The following NBEAL1 variants were observed in gnomAD, a reference collection of about 807,000 sequenced individuals.
The protein encoded by NBEAL1 is neurobeachin like 1.
NBEAL1 carries 273 observed loss-of-function variants against 351.3 expected under a neutral mutation model. The ratio of observed to expected loss-of-function variants is 0.78; its 90% CI spans 0.70 to 0.86. The LOEUF (loss-of-function observed/expected upper bound fraction) is 0.86. NBEAL1 is among the 40% of genes least tolerant of loss of function. The probability of loss-of-function intolerance (pLI) is 0.00; values close to 1 mark genes in which losing one functional copy is unlikely to be tolerated. For synonymous variants in NBEAL1, 1,050 were observed against 1,086.4 expected (o/e 0.97, Z 0.66); for missense variants, 2,961 against 3,201.3 (o/e 0.92, Z 1.81).
intron 26 of NBEAL1, 75 bp downstream of exon 26, chr2:203,132,207 G>T: frequency 2.2e-6 from 2 of 929,750 alleles, no homozygotes; most frequent in South Asian, 2.0e-5. Flanking sequence ...ACCTTTCTCA[G>T]GCTGCTTTTA....
intron 35 of NBEAL1, among the ~76,000 whole-genome samples, chr2:203,155,291 A>G (rs1226539703): frequency 2.7e-5 from 4 of 149,786 alleles, no homozygotes; most frequent in African/African-American, 9.8e-5. Context: ...TTTTGTCTGT[A>G]CTTCTCTATT....
chr2:203,207,227 C>A (rs1396798927), intron 51 of NBEAL1, among the ~76,000 whole-genome samples: 3 of 151,858 alleles, frequency 2.0e-5, no homozygotes, highest in Admixed American at 6.5e-5. Context: ...GCCTGGCAGC[C>A]ACCCCATCTG....
chr2:203,206,768 A>G (rs1156980030), intron 51 of NBEAL1, among the ~76,000 whole-genome samples: 3 of 151,738 alleles, frequency 2.0e-5, no homozygotes, highest in Non-Finnish European at 2.9e-5. Context: ...TCGGCTCGGT[A>G]CAACATCCAC....
chr2:203,025,983 G>A (rs142535563), intron 2 of NBEAL1, among the ~76,000 whole-genome samples: 2,527 of 152,124 alleles, frequency 0.017, 32 homozygotes, highest in Middle Eastern at 0.037. Context: ...CTTGCCTTCT[G>A]TGTTAGGAAG....
chr2:203,024,532 A>G (rs1383600513), intron 2 of NBEAL1, among the ~76,000 whole-genome samples: 1 of 150,714 alleles, frequency 6.6e-6, no homozygotes, highest in East Asian at 1.9e-4. Context: ...AGCCTGGGCA[A>G]TAGAGTGAGA....
Position 203,133,088 on chromosome 2 carries a change from C to A in NBEAL1, c.3755C>A (p.Ser1252Tyr). The change falls in exon 27 of 56, where the codon TCT (serine) becomes TAT (tyrosine). Residue 1252 changes from serine to tyrosine, a missense_variant. By Grantham distance (144) the Ser-to-Tyr change is moderately radical. Transcript: ENST00000683969. ...DPVINFKDLL[S>Y]VVYISHRAHI... ...GTTATTAATTTCAAAGATCTACTAT[C>A]TGTGGTATATATATCTCACAGAGCA... The A allele has an allele frequency of 6.6e-7, 1 of 1,512,696 alleles. No individual in the cohort carries two copies. The highest frequency in any genetic ancestry group is 8.9e-7 in the Non-Finnish European group (1 of 1,120,588). 93.7% of individuals were successfully genotyped at this position (1,512,696 alleles called of 1,614,324 possible).
intron 31 of NBEAL1, among the ~76,000 whole-genome samples, chr2:203,139,158 C>A (rs1459445722): frequency 6.6e-6 from 1 of 151,982 alleles, no homozygotes; most frequent in Non-Finnish European, 1.5e-5. Context: ...CACAATTTTA[C>A]ATTTTATCTC....
chr2:203,161,593 C>T (rs1010389804), intron 36 of NBEAL1, among the ~76,000 whole-genome samples: 6 of 151,772 alleles, frequency 4.0e-5, no homozygotes, highest in African/African-American at 1.4e-4. Flanking sequence ...CACTCCACTG[C>T]ACTCCAGCCT....
chr2:203,219,401 A>C lies in NBEAL1; in HGVS notation c.*2047A>C, dbSNP rs2065931032. On this transcript the variant is annotated 3_prime_UTR_variant, in exon 56 of 56. Coordinates refer to ENST00000683969, the MANE Select transcript of NBEAL1 (RefSeq NM_001378026.1). ...ATTAGAAAAAATGCCTAAGTTTATG[A>C]TGTTTTACTATGCTGCTTTTTAGAT... 1.3e-5 allele frequency: 2 copies of C among 152,162 alleles called. No homozygotes were observed. The highest frequency in any genetic ancestry group is 4.1e-4 in the South Asian group (2 of 4,822). 9.4% of individuals were successfully genotyped at this position (152,162 alleles called of 1,614,324 possible).
intron 40 of NBEAL1, 119 bp from the exon 41 acceptor site, chr2:203,172,610 G>T: frequency 1.2e-6 from 1 of 837,468 alleles, no homozygotes; most frequent in Non-Finnish European, 1.8e-6. Flanking sequence ...TTTACAACAG[G>T]GAAAAAATAT....
At chr2:203,068,335 T>C (rs2061627422) in intron 6 of NBEAL1, 58 bp from the exon 7 acceptor site, 1 of 747,584 alleles carries the variant, frequency 1.3e-6, no homozygotes, top group Admixed American at 3.0e-5. Flanking sequence ...GTTTTTGTAA[T>C]TGTGCCGTGT....
chr2:203,059,483 G>T (rs2061460673), intron 6 of NBEAL1, among the ~76,000 whole-genome samples: 1 of 152,208 alleles, frequency 6.6e-6, no homozygotes, highest in Non-Finnish European at 1.5e-5. Flanking sequence ...ATGTGTGAGA[G>T]AAAAAGTTTT....
At position 203,221,536 on chromosome 2, in the gene NBEAL1, T is replaced by C. The variant is rs956448172; in HGVS notation, c.*4182T>C. Reference sequence around the variant, plus strand: ...CTGGGATATAAGAAATGAAACATGTTTGTTTGTTTCCTTTTTGTTTGTTTG... The same window carrying C: ...CTGGGATATAAGAAATGAAACATGTCTGTTTGTTTCCTTTTTGTTTGTTTG... On this transcript the variant is annotated 3_prime_UTR_variant, in exon 56 of 56. Transcript: ENST00000683969. Among the ~76,000 whole-genome samples, 1 of 152,064 alleles carries C rather than the reference T, an allele frequency of 6.6e-6. No homozygotes were observed. The highest frequency in any genetic ancestry group is 1.5e-5 in the Non-Finnish European group (1 of 68,014).
intron 27 of NBEAL1, among the ~76,000 whole-genome samples, chr2:203,134,968 G>A (rs1284010655): frequency 6.6e-6 from 1 of 152,140 alleles, no homozygotes; most frequent in Non-Finnish European, 1.5e-5. Context: ...AGGAGGTCAG[G>A]AGTTCGAGAC....
In NBEAL1 at chr2:203,102,143, T is replaced by C. The variant is rs565244388; in HGVS notation, c.1269+2431T>C. Among the ~76,000 whole-genome samples, 3 of 152,306 alleles carry C rather than the reference T, an allele frequency of 2.0e-5. No homozygotes were observed. The South Asian group carries it at 6.2e-4, about 32-fold the overall frequency. On this transcript the variant is annotated intron_variant, in intron 12 of 55. Transcript: ENST00000683969. Reference sequence around the variant, plus strand: ...GTTGGTGTATAGGAATGCTGCTGATTTTTGTACATTGATTTTGTATCCTGC... The same window carrying C: ...GTTGGTGTATAGGAATGCTGCTGATCTTTGTACATTGATTTTGTATCCTGC...
At chr2:203,207,696 A>T (rs2065648822) in intron 51 of NBEAL1, among the ~76,000 whole-genome samples, 1 of 152,166 alleles carries the variant, frequency 6.6e-6, no homozygotes, top group Admixed American at 6.5e-5. Context: ...TGCTTTGTTA[A>T]ACAGATGCTT....
chr2:203,085,653 T>G (rs898072218), intron 10 of NBEAL1: 1 of 152,214 alleles, frequency 6.6e-6, no homozygotes, highest in Non-Finnish European at 1.5e-5. Flanking sequence ...ATATGTGATA[T>G]GTTTGTATAA....
At position 203,099,671 on chromosome 2, in the gene NBEAL1, C is replaced by T; in HGVS notation, c.1228C>T (p.Gln410Ter). ...QLDCLAISTI[Q>*]ALTAVMNKSP... is the part of the protein sequence containing the mutation. ...GGATTGTTTGGCCATATCAACCATT[C>T]AGGCTTTGACCGCAGTAATGAACAA... is the stretch of plus-strand genomic sequence containing the variant. The change falls in exon 12 of 56, where the codon CAG becomes TAG. Residue 410 changes from glutamine to a stop codon, truncating the protein, a stop_gained. Transcript: ENST00000683969. LOFTEE classifies it high-confidence loss of function. The T allele has an allele frequency of 6.4e-7, 1 of 1,551,808 alleles. No homozygotes were observed. The highest frequency in any genetic ancestry group is 8.7e-7 in the Non-Finnish European group (1 of 1,146,840).
intron 44 of NBEAL1, among the ~76,000 whole-genome samples, chr2:203,185,036 T>C (rs996741460): frequency 1.7e-4 from 26 of 152,170 alleles, no homozygotes; most frequent in African/African-American, 6.3e-4. Context: ...GAAGTTTACA[T>C]GAGTTGTTTT....
Sources: allele counts gnomAD v4.1 joint callset (sites outside exome capture counted in the v4.1 genomes callset), GRCh38; gene constraint gnomAD v4.1.1; transcripts MANE v1.5; gene names NCBI Gene and HGNC (gene_info 2026-07-23, HGNC 2026-07-21).